RELN: variants seen among roughly 807,000 people sequenced by gnomAD.
The protein encoded by RELN is reelin.
RELN carries 108 observed loss-of-function variants against 427.6 expected under a neutral mutation model. That is an observed-to-expected ratio of 0.25 (90% CI 0.22 to 0.30). The LOEUF (loss-of-function observed/expected upper bound fraction) is 0.30, where lower values mean the gene tolerates loss of function less well. RELN is among the 10% of genes least tolerant of loss of function. The probability of loss-of-function intolerance (pLI) is 1.00; values close to 1 mark genes in which losing one functional copy is unlikely to be tolerated. For synonymous variants in RELN, 1,524 were observed against 1,513.4 expected, an observed-to-expected ratio of 1.01 and a Z score of -0.16; for missense variants, 3,715 against 4,302.8, an observed-to-expected ratio of 0.86 and a Z score of 3.82.
chr7:103,683,425 T>C (rs1485311175), intron 10 of RELN, among the ~76,000 whole-genome samples: 1 of 152,202 alleles, frequency 6.6e-6, no homozygotes, highest in Non-Finnish European at 1.5e-5. Flanking sequence ...GCCTAAGATA[T>C]ATAACATGAT....
At chr7:103,780,270 A>G (rs796638573) in intron 3 of RELN, among the ~76,000 whole-genome samples, 1 of 152,344 alleles carries the variant, frequency 6.6e-6, no homozygotes, top group East Asian at 1.9e-4. Context: ...ATTATTTAAT[A>G]TAAAATCTAA....
chr7:103,890,000 A>C (rs74516895), intron 2 of RELN, among the ~76,000 whole-genome samples: 10 of 151,996 alleles, frequency 6.6e-5, no homozygotes, highest in Non-Finnish European at 1.5e-4. Context: ...TTCTTTTTTC[A>C]GTTCTGTGAA....
At chr7:103,547,034 C>T (rs1355660410) in intron 41 of RELN, among the ~76,000 whole-genome samples, 4 of 152,138 alleles carry the variant, frequency 2.6e-5, no homozygotes, top group South Asian at 2.1e-4. Context: ...TGTATTTTAT[C>T]ATGTGTAAAA....
At chr7:103,665,468 C>T (rs1833244066) in intron 11 of RELN, among the ~76,000 whole-genome samples, 1 of 151,982 alleles carries the variant, frequency 6.6e-6, no homozygotes, top group Non-Finnish European at 1.5e-5. Context: ...ATTGTCTTGG[C>T]TACTGTTGCC....
chr7:103,730,875 C>G (rs1487162763), intron 6 of RELN, among the ~76,000 whole-genome samples: 1 of 152,106 alleles, frequency 6.6e-6, no homozygotes, highest in Non-Finnish European at 1.5e-5. Context: ...CTCTTAGATG[C>G]CAATGGTGTT....
At chr7:103,490,516 TGAGAGGAGGGAG>T (rs1828614037) in intron 59 of RELN, 140 bp downstream of exon 59, 1 of 809,352 alleles carries the variant, frequency 1.2e-6, no homozygotes, top group South Asian at 1.4e-5. Context: ...CATGGGTTGG[TGAGAGGAGGGAG>T]AAAAGGAGGG....
intron 1 of RELN, among the ~76,000 whole-genome samples, chr7:103,981,139 C>T (rs1461275937): frequency 6.6e-6 from 1 of 152,118 alleles, no homozygotes; most frequent in East Asian, 1.9e-4. Flanking sequence ...AGAGGCTGAG[C>T]CAGATGTGAC....
intron 41 of RELN, among the ~76,000 whole-genome samples, chr7:103,550,589 A>C (rs3025937): frequency 6.6e-6 from 1 of 150,394 alleles, no homozygotes; most frequent in Non-Finnish European, 1.5e-5. Context: ...GGAAAAGTAG[A>C]GATGCCTGGG....
At chr7:103,677,504 G>A (rs1347089799) in intron 11 of RELN, among the ~76,000 whole-genome samples, 2 of 145,910 alleles carry the variant, frequency 1.4e-5, no homozygotes, top group Admixed American at 6.8e-5. Context: ...GGTGGCTCAT[G>A]CCTGTAATCC....
chr7:103,513,978 A>G (rs192955536), intron 50 of RELN: 1 of 152,328 alleles, frequency 6.6e-6, no homozygotes, highest in Admixed American at 6.5e-5. Flanking sequence ...ACAAGAAAAT[A>G]TGAACTAAAA....
At chr7:103,876,526 T>C (rs1030081087) in intron 2 of RELN, among the ~76,000 whole-genome samples, 2 of 152,218 alleles carry the variant, frequency 1.3e-5, no homozygotes, top group Non-Finnish European at 1.5e-5. Context: ...ACATTAAGCT[T>C]TTATTGCTCT....
chr7:103,984,468 G>A (rs1465981357), intron 1 of RELN, among the ~76,000 whole-genome samples: 1 of 152,056 alleles, frequency 6.6e-6, no homozygotes, highest in Non-Finnish European at 1.5e-5. Context: ...GAATGAAGTA[G>A]GAATTTCTGC....
chr7:103,725,050 A>T (rs1016233626), intron 7 of RELN, among the ~76,000 whole-genome samples: 10 of 152,164 alleles, frequency 6.6e-5, no homozygotes, highest in Admixed American at 6.6e-4. Context: ...GCTGATACAT[A>T]ACTTTTTTCT....
chr7:103,485,701 TAACCCTCAGCAATTA>T (rs1335780722), intron 61 of RELN, among the ~76,000 whole-genome samples: 3 of 152,170 alleles, frequency 2.0e-5, no homozygotes, highest in Non-Finnish European at 4.4e-5. Flanking sequence ...CTCAGCAATT[TAACCCTCAGCAATTA>T]TAGCACATAA....
chr7:103,985,161 A>T (rs909650056), intron 1 of RELN, among the ~76,000 whole-genome samples: 2 of 152,084 alleles, frequency 1.3e-5, no homozygotes, highest in East Asian at 1.9e-4. Context: ...ATTTTTTTTT[A>T]AAGTGGGAGT....
intron 28 of RELN, among the ~76,000 whole-genome samples, chr7:103,578,819 A>G (rs754962371): frequency 6.6e-6 from 1 of 152,228 alleles, no homozygotes; most frequent in South Asian, 2.1e-4. Context: ...CAGCCTTGCA[A>G]TTGTTACTAC....
At chr7:103,799,077 C>A (rs1370134794) in intron 3 of RELN, among the ~76,000 whole-genome samples, 1 of 152,114 alleles carries the variant, frequency 6.6e-6, no homozygotes, top group African/African-American at 2.4e-5. Context: ...GAGAGCCACA[C>A]CTAGTAACAA....
At chr7:103,546,079 T>C (rs756722625) in intron 41 of RELN, among the ~76,000 whole-genome samples, 5 of 152,214 alleles carry the variant, frequency 3.3e-5, no homozygotes, top group African/African-American at 4.8e-5. Flanking sequence ...TGTCCAACCA[T>C]CACCTCTTTC....
chr7:103,639,462 C>T (rs1213445386), intron 17 of RELN, among the ~76,000 whole-genome samples: 2 of 149,908 alleles, frequency 1.3e-5, no homozygotes, highest in Admixed American at 6.7e-5. Context: ...TGCAGTGACA[C>T]GATCTTGGCT....
Sources: gnomAD v4.1 joint callset for allele counts (sites outside exome capture counted in the v4.1 genomes callset) on GRCh38, gnomAD v4.1.1 for gene constraint, MANE v1.5 for transcripts, NCBI Gene and HGNC (gene_info 2026-07-23, HGNC 2026-07-21) for gene names.